The following CSMD3 variants were observed in gnomAD, a reference collection of about 807,000 sequenced individuals.
CSMD3 encodes the protein CUB and sushi domain-containing protein 3.
Under a neutral mutation model 435.2 loss-of-function variants are expected in CSMD3, and 177 were observed. That is an observed-to-expected ratio of 0.41 (90% confidence interval 0.36 to 0.46). The LOEUF (loss-of-function observed/expected upper bound fraction) is 0.46. Among genes scored for constraint, CSMD3 ranks in the 20% least tolerant of loss-of-function variants. CSMD3 has a pLI of 0.34. For missense variants in CSMD3, 4,265 were observed against 4,504.6 expected (o/e 0.95, Z 1.52); for synonymous variants, 1,656 against 1,520.5 (o/e 1.09, Z -2.07).
At chr8:112,947,202 G>A (rs1587733950) in intron 9 of CSMD3, among the ~76,000 whole-genome samples, 1 of 151,634 alleles carries the variant, frequency 6.6e-6, no homozygotes, top group East Asian at 1.9e-4. Context: ...AGCATTATTT[G>A]ATAGTTATGT....
chr8:113,349,545 A>T (rs769604577), intron 1 of CSMD3, among the ~76,000 whole-genome samples: 3 of 152,032 alleles, frequency 2.0e-5, no homozygotes, highest in African/African-American at 4.8e-5. Flanking sequence ...ACTTTGGGAG[A>T]TTGAGGCAGG....
At chr8:113,188,856 G>T (rs2092545818) in intron 3 of CSMD3, among the ~76,000 whole-genome samples, 1 of 151,690 alleles carries the variant, frequency 6.6e-6, no homozygotes, top group African/African-American at 2.4e-5. Context: ...AGATTTATTT[G>T]GGTTACTTAA....
intron 59 of CSMD3, among the ~76,000 whole-genome samples, chr8:112,270,339 GGTGAGTGT>G (rs748188896): frequency 1.0e-5 from 1 of 96,268 alleles, no homozygotes. Context: ...AAAACAGAGG[GGTGAGTGT>G]GTGTGTGTGT....
intron 10 of CSMD3, among the ~76,000 whole-genome samples, chr8:112,863,655 C>G (rs2080887435): frequency 6.6e-6 from 1 of 151,824 alleles, no homozygotes; most frequent in Admixed American, 6.6e-5. Flanking sequence ...GTCCATTTGT[C>G]AAAGTAAAGG....
intron 4 of CSMD3, among the ~76,000 whole-genome samples, chr8:113,131,531 G>A (rs1472498615): frequency 2.6e-5 from 4 of 152,032 alleles, no homozygotes; most frequent in Non-Finnish European, 4.4e-5. Context: ...GTTGAGGTTT[G>A]GGAACCTCTG....
At chr8:113,319,214 C>A (rs923780401) in intron 1 of CSMD3, among the ~76,000 whole-genome samples, 3 of 152,018 alleles carry the variant, frequency 2.0e-5, no homozygotes, top group African/African-American at 7.2e-5. Context: ...ACATCCCTGA[C>A]AACAATTGTT....
At chr8:112,301,642 T>A (rs902647762) in intron 53 of CSMD3, 151 bp downstream of exon 53, 2 of 646,898 alleles carry the variant, frequency 3.1e-6, no homozygotes, top group East Asian at 2.7e-5. Context: ...TTTTCTATCA[T>A]GAGCCATTTT....
intron 24 of CSMD3, among the ~76,000 whole-genome samples, chr8:112,567,250 A>T (rs142992211): frequency 6.6e-6 from 1 of 152,124 alleles, no homozygotes; most frequent in South Asian, 2.1e-4. Context: ...ATTCTTTCTT[A>T]TCACTCAGGT....
At chr8:112,655,189 C>A (rs999828994) in intron 18 of CSMD3, among the ~76,000 whole-genome samples, 1 of 151,934 alleles carries the variant, frequency 6.6e-6, no homozygotes, top group Non-Finnish European at 1.5e-5. Flanking sequence ...AAGATAGATG[C>A]CCAACAGCAA....
chr8:113,362,960 G>C (rs566744590), intron 1 of CSMD3, among the ~76,000 whole-genome samples: 1 of 152,244 alleles, frequency 6.6e-6, no homozygotes, highest in South Asian at 2.1e-4. Flanking sequence ...TAAAAATATT[G>C]AATCTGTATT....
intron 7 of CSMD3, 123 bp downstream of exon 7, chr8:112,975,714 T>C: frequency 6.8e-7 from 1 of 1,474,726 alleles, no homozygotes; most frequent in Non-Finnish European, 9.2e-7. Flanking sequence ...TTCAGCTACT[T>C]TGAACTTTTT....
At chr8:112,702,919 T>C (rs1043388074) in intron 13 of CSMD3, among the ~76,000 whole-genome samples, 8 of 152,076 alleles carry the variant, frequency 5.3e-5, no homozygotes, top group African/African-American at 1.9e-4. Flanking sequence ...TATGGTACAA[T>C]CCTTTGTTAG....
chr8:112,979,423 T>C (rs536240790), intron 6 of CSMD3, among the ~76,000 whole-genome samples: 6 of 151,674 alleles, frequency 4.0e-5, no homozygotes, highest in Non-Finnish European at 8.9e-5. Context: ...ATTGGTAATA[T>C]TTTAAATTGG....
chr8:112,418,217 G>A (rs1206989269), intron 32 of CSMD3, among the ~76,000 whole-genome samples: 1 of 152,002 alleles, frequency 6.6e-6, no homozygotes, highest in Non-Finnish European at 1.5e-5. Flanking sequence ...CTCTTATAAT[G>A]TTTGGCTACT....
In CSMD3 at chr8:112,689,944, C is replaced by T; in HGVS notation, c.2079G>A (p.Gly693=). The T allele has an allele frequency of 6.2e-7, 1 of 1,613,294 alleles. No individual in the cohort carries two copies. The highest frequency in any genetic ancestry group is 8.5e-7 in the Non-Finnish European group (1 of 1,179,462). The change falls in exon 14 of 71, where the codon GGG becomes GGA. Residue 693 remains glycine (G), a synonymous_variant. Coordinates refer to ENST00000297405, the MANE Select transcript of CSMD3 (RefSeq NM_198123.2). The part of the protein sequence containing the change: ...RDVLRFECQF[G]FELIGEKSIV... ...TGGATTTCTCTCCAATTAATTCAAA[C>T]CCAAACTGGCATTCAAACCTTAAAA... is the stretch of plus-strand genomic sequence containing the variant.
intron 16 of CSMD3, among the ~76,000 whole-genome samples, chr8:112,678,484 C>A (rs1369709744): frequency 6.6e-6 from 1 of 152,096 alleles, no homozygotes; most frequent in Non-Finnish European, 1.5e-5. Flanking sequence ...ACAAACTGAT[C>A]TCAAGAATCT....
intron 31 of CSMD3, among the ~76,000 whole-genome samples, chr8:112,491,671 C>G (rs914540210): frequency 6.6e-6 from 1 of 152,048 alleles, no homozygotes; most frequent in East Asian, 1.9e-4. Context: ...AAAAAGTACT[C>G]TCTCTATGTT....
intron 11 of CSMD3, among the ~76,000 whole-genome samples, chr8:112,831,555 G>A (rs2079873961): frequency 1.9e-5 from 1 of 52,716 alleles, no homozygotes; most frequent in Admixed American, 2.0e-4. Context: ...AGATGTAAAA[G>A]TGTTTTTTTT....
chr8:112,526,974 C>A (rs775549437), intron 27 of CSMD3, among the ~76,000 whole-genome samples: 1 of 151,750 alleles, frequency 6.6e-6, no homozygotes. Context: ...CAAATGCTTT[C>A]TTTCCTCCCA....
Sources: gnomAD v4.1 joint callset for allele counts (sites outside exome capture counted in the v4.1 genomes callset) on GRCh38, gnomAD v4.1.1 for gene constraint, MANE v1.5 for transcripts, NCBI Gene and HGNC (gene_info 2026-07-23, HGNC 2026-07-21) for gene names.